The following OXR1 variants were observed in gnomAD, a reference collection of about 807,000 sequenced individuals.
The protein encoded by OXR1 is oxidation resistance protein 1.
OXR1 carries 41 observed loss-of-function variants against 104.6 expected under a neutral mutation model. The observed-to-expected ratio is 0.39, with a 90% confidence interval of 0.31 to 0.51. OXR1 has a LOEUF of 0.51. Among genes scored for constraint, OXR1 ranks in the 20% least tolerant of loss-of-function variants. The pLI is 0.77. For missense variants in OXR1, 955 were observed against 1,031.9 expected (o/e 0.93, Z 1.02); for synonymous variants, 348 against 348.4 (o/e 1.00, Z 0.01).
chr8:106,466,466 A>C (rs896503878), intron 2 of OXR1, among the ~76,000 whole-genome samples: 1 of 152,002 alleles, frequency 6.6e-6, no homozygotes, highest in Non-Finnish European at 1.5e-5. Context: ...ATTATTCTTC[A>C]GAAGTTAAAC....
rs559510849 is a variant in OXR1, at chr8:106,602,043, C to T, written c.221-77167C>T. On this transcript the variant is annotated intron_variant, in intron 3 of 16. Coordinates refer to ENST00000517566, the MANE Select transcript of OXR1 (RefSeq NM_001198533.2). ...TTGCTGAGGGCCTCACTCCTACAAC[C>T]GAAAGGAAATGTGTTATGACGCCCA... Among the ~76,000 whole-genome samples, 19 of 152,132 alleles carry T rather than the reference C, an allele frequency of 1.2e-4. No homozygotes were observed. In the East Asian group the frequency reaches 1.7e-3, roughly 14 times the overall value.
At chr8:106,347,762 A>T (rs1476078335) in intron 1 of OXR1, among the ~76,000 whole-genome samples, 1 of 152,154 alleles carries the variant, frequency 6.6e-6, no homozygotes, top group African/African-American at 2.4e-5. Flanking sequence ...TCTTTCATTG[A>T]CTGTCATTTG....
intron 4 of OXR1, chr8:106,682,402 G>A (rs1057046955): frequency 2.0e-5 from 3 of 150,706 alleles, no homozygotes; most frequent in African/African-American, 7.3e-5. Flanking sequence ...CCGAGTAGCT[G>A]GGACTACAGG....
At chr8:106,329,493 G>A (rs1464451127) in intron 1 of OXR1, among the ~76,000 whole-genome samples, 4 of 151,712 alleles carry the variant, frequency 2.6e-5, no homozygotes, top group South Asian at 2.1e-4. Flanking sequence ...GACTACAGAC[G>A]CCCTCCACCA....
chr8:106,742,258 A>C lies in OXR1; in HGVS notation c.2353A>C (p.Ser785Arg). 6.2e-7 allele frequency: 1 copy of C among 1,611,874 alleles called. No individual in the cohort carries two copies. The highest frequency in any genetic ancestry group is 8.5e-7 in the Non-Finnish European group (1 of 1,178,246). The part of the protein sequence containing the change: ...GALASEPLKV[S>R]DGFYGTGETF... ...GTTAGCATCTGAGCCACTGAAAGTG[A>C]GTGATGGCTTTTATGGTACTGGAGA... The change falls in exon 15 of 17, where the codon AGT becomes CGT. Residue 785 changes from serine to arginine, a missense_variant. Ser to Arg is a moderately radical substitution (Grantham distance 110). Around this residue, in one of 2 missense-constraint regions of OXR1, gnomAD observed 106 missense variants for 179.0 expected, o/e 0.59. Coordinates refer to ENST00000517566, the MANE Select transcript of OXR1 (RefSeq NM_001198533.2).
At chr8:106,489,931 C>T (rs545293890) in intron 2 of OXR1, among the ~76,000 whole-genome samples, 2 of 152,182 alleles carry the variant, frequency 1.3e-5, no homozygotes, top group East Asian at 3.9e-4. Context: ...TGAAATAGTT[C>T]AGAGAGAATG....
chr8:106,665,924 C>G (rs1215705738), intron 3 of OXR1, among the ~76,000 whole-genome samples: 1 of 151,892 alleles, frequency 6.6e-6, no homozygotes, highest in Non-Finnish European at 1.5e-5. Context: ...CCAGGAGAAA[C>G]ACAGTTATTC....
At chr8:106,733,867 G>A (rs1446238159) in intron 11 of OXR1, among the ~76,000 whole-genome samples, 5 of 151,312 alleles carry the variant, frequency 3.3e-5, no homozygotes, top group Admixed American at 1.3e-4. Context: ...AGGATATGGG[G>A]ATATGGCTCC....
chr8:106,511,884 C>A (rs1182085255), intron 2 of OXR1, among the ~76,000 whole-genome samples: 1 of 152,124 alleles, frequency 6.6e-6, no homozygotes, highest in Non-Finnish European at 1.5e-5. Flanking sequence ...CCATTACTTT[C>A]TTAAAGCCTC....
At chr8:106,299,717 T>C (rs1326463606) in intron 1 of OXR1, among the ~76,000 whole-genome samples, 1 of 152,224 alleles carries the variant, frequency 6.6e-6, no homozygotes, top group African/African-American at 2.4e-5. Context: ...CAGATACTTA[T>C]TGAGGACTGA....
chr8:106,508,655 T>C (rs1326563856), intron 2 of OXR1, among the ~76,000 whole-genome samples: 1 of 152,236 alleles, frequency 6.6e-6, no homozygotes, highest in African/African-American at 2.4e-5. Context: ...TAAGGATGTT[T>C]TATATTCATC....
chr8:106,399,166 T>C (rs1470850149), intron 2 of OXR1, among the ~76,000 whole-genome samples: 1 of 152,192 alleles, frequency 6.6e-6, no homozygotes, highest in Non-Finnish European at 1.5e-5. Context: ...CTGAGTTACA[T>C]TTCCCCATCT....
At chr8:106,658,646 A>T (rs1825425957) in intron 3 of OXR1, among the ~76,000 whole-genome samples, 1 of 152,234 alleles carries the variant, frequency 6.6e-6, no homozygotes, top group Admixed American at 6.5e-5. Flanking sequence ...CGAAAAATAA[A>T]AAGCCAGATA....
intron 3 of OXR1, among the ~76,000 whole-genome samples, chr8:106,568,365 T>C (rs532594257): frequency 5.9e-5 from 9 of 152,316 alleles, no homozygotes; most frequent in African/African-American, 2.2e-4. Context: ...ATTTCTTTTC[T>C]TATATTCCAT....
intron 1 of OXR1, among the ~76,000 whole-genome samples, chr8:106,318,774 C>A (rs1012998162): frequency 6.6e-6 from 1 of 152,084 alleles, no homozygotes; most frequent in Non-Finnish European, 1.5e-5. Flanking sequence ...TGCTTTTCTG[C>A]TAGTTTCTTA....
At chr8:106,720,202 C>CTCAA (rs1274243216) in intron 11 of OXR1, among the ~76,000 whole-genome samples, 1 of 152,176 alleles carries the variant, frequency 6.6e-6, no homozygotes, top group Admixed American at 6.5e-5. Context: ...ATACCAAGTA[C>CTCAA]TCAACTTTGG....
intron 3 of OXR1, among the ~76,000 whole-genome samples, chr8:106,652,375 T>TA (rs1402676885): frequency 6.6e-6 from 1 of 152,000 alleles, no homozygotes; most frequent in South Asian, 2.1e-4. Flanking sequence ...AACTAGGCCA[T>TA]AAAAAAACTC....
chr8:106,556,788 G>C (rs1037089452), intron 3 of OXR1, among the ~76,000 whole-genome samples: 3 of 152,196 alleles, frequency 2.0e-5, no homozygotes, highest in South Asian at 2.1e-4. Flanking sequence ...CACTGATTAT[G>C]TAATGATTCT....
At chr8:106,339,216 C>T (rs1037146357) in intron 1 of OXR1, among the ~76,000 whole-genome samples, 2 of 151,868 alleles carry the variant, frequency 1.3e-5, no homozygotes, top group African/African-American at 2.4e-5. Context: ...ACAAAATTGG[C>T]TGGGCGTGGT....
Sources: gnomAD v4.1 joint callset for allele counts (sites outside exome capture counted in the v4.1 genomes callset) on GRCh38, gnomAD v4.1.1 for gene constraint, gnomAD v4.1.1 regional missense constraint, MANE v1.5 for transcripts, NCBI Gene and HGNC (gene_info 2026-07-23, HGNC 2026-07-21) for gene names.